Variants in DSCAM observed in about 807,000 individuals in gnomAD.
DSCAM encodes the protein DS cell adhesion molecule.
Under a neutral mutation model 217.7 loss-of-function variants are expected in DSCAM, and 47 were observed. The observed-to-expected ratio is 0.22, with a 90% CI of 0.17 to 0.28. The LOEUF (loss-of-function observed/expected upper bound fraction) is 0.28, where lower values mean the gene tolerates loss of function less well. Ranked by LOEUF, DSCAM falls within the 10% of genes least tolerant of loss-of-function variation. The probability of loss-of-function intolerance (pLI) is 1.00; values close to 1 mark genes in which losing one functional copy is unlikely to be tolerated. For missense variants in DSCAM, 2,080 were observed against 2,618.3 expected (o/e 0.79, Z 4.49); for synonymous variants, 1,056 against 1,015.3 (o/e 1.04, Z -0.76).
chr21:40,696,988 C>T (rs553398156), intron 2 of DSCAM, among the ~76,000 whole-genome samples: 1 of 152,290 alleles, frequency 6.6e-6, no homozygotes, highest in East Asian at 1.9e-4. Context: ...ACTGTGCCAG[C>T]AAATGTTAGA....
chr21:40,445,223 G>C (rs2075664799), intron 3 of DSCAM, among the ~76,000 whole-genome samples: 1 of 152,104 alleles, frequency 6.6e-6, no homozygotes, highest in East Asian at 1.9e-4. Flanking sequence ...TTATCACATT[G>C]GGTATTAGGT....
intron 32 of DSCAM, among the ~76,000 whole-genome samples, chr21:40,029,349 T>G (rs781618859): frequency 4.1e-4 from 61 of 149,736 alleles, no homozygotes; most frequent in Non-Finnish European, 6.7e-4. Context: ...CCTTTGGATC[T>G]CTGTGCTCAT....
chr21:40,846,158 C>A (rs2092143464), intron 1 of DSCAM, among the ~76,000 whole-genome samples: 1 of 152,124 alleles, frequency 6.6e-6, no homozygotes, highest in African/African-American at 2.4e-5. Context: ...ATTGTACTAG[C>A]ATGAAATTAC....
intron 3 of DSCAM, among the ~76,000 whole-genome samples, chr21:40,572,086 GTGTGT>G (rs2076811529): frequency 2.2e-4 from 1 of 4,506 alleles, no homozygotes; most frequent in Non-Finnish European, 5.1e-4. Context: ...GTGTGTGTGG[GTGTGT>G]GTGTGTGTGT....
At chr21:40,064,718 T>C (rs2837411) in intron 27 of DSCAM, among the ~76,000 whole-genome samples, 70,071 of 152,108 alleles carry the variant, frequency 0.46, 16,422 homozygotes, top group Middle Eastern at 0.59. Context: ...ATCGGAATTA[T>C]GAGCCCATTT....
chr21:40,162,864 C>T (rs1601398908), intron 16 of DSCAM, among the ~76,000 whole-genome samples: 1 of 152,040 alleles, frequency 6.6e-6, no homozygotes, highest in South Asian at 2.1e-4. Context: ...AATATTTAAG[C>T]AATTGACCAT....
intron 16 of DSCAM, among the ~76,000 whole-genome samples, chr21:40,163,835 A>G (rs1424149296): frequency 6.6e-6 from 1 of 152,196 alleles, no homozygotes; most frequent in Non-Finnish European, 1.5e-5. Context: ...TCACTGTATC[A>G]TGAGTTAGAC....
rs1238918436 is a variant in DSCAM at position 40,637,512 on chromosome 21, T to A, written c.508+55298A>T. On this transcript the variant is annotated intron_variant, in intron 3 of 32. Transcript: ENST00000400454. The stretch of plus-strand genomic sequence containing the variant: ...AAAAATATATAAATATATATAAATA[T>A]ATAAATATATATAAATATATACATA... Among the ~76,000 whole-genome samples, 5 of 46,614 alleles carry A rather than the reference T, an allele frequency of 1.1e-4. 1 individual carries two copies. The highest frequency in any genetic ancestry group is 1.9e-4 in the Non-Finnish European group (5 of 26,274). 30.6% of individuals were successfully genotyped at this position (46,614 alleles called of 152,430 possible).
intron 3 of DSCAM, among the ~76,000 whole-genome samples, chr21:40,461,591 C>G (rs1174627945): frequency 6.6e-6 from 1 of 152,212 alleles, no homozygotes; most frequent in African/African-American, 2.4e-5. Context: ...CCAATCCCCC[C>G]ACAAATACGT....
intron 32 of DSCAM, among the ~76,000 whole-genome samples, chr21:40,041,479 C>T (rs1351933585): frequency 6.9e-6 from 1 of 143,892 alleles, no homozygotes; most frequent in Non-Finnish European, 1.5e-5. Context: ...TCTTAAAACA[C>T]AAGTCCATAC....
At chr21:40,225,662 T>C (rs1403773187) in intron 11 of DSCAM, among the ~76,000 whole-genome samples, 4 of 152,122 alleles carry the variant, frequency 2.6e-5, no homozygotes, top group Non-Finnish European at 5.9e-5. Context: ...TAAACGTCTC[T>C]ATATTCCCGG....
chr21:40,348,204 G>T (rs62223795), intron 5 of DSCAM, among the ~76,000 whole-genome samples: 2 of 16,584 alleles, frequency 1.2e-4, no homozygotes, highest in Non-Finnish European at 1.3e-4. Context: ...TATTGCAATC[G>T]TACCCCACAC....
chr21:40,070,518 A>G (rs889161633), intron 27 of DSCAM, among the ~76,000 whole-genome samples: 8 of 152,238 alleles, frequency 5.3e-5, no homozygotes, highest in Admixed American at 1.3e-4. Context: ...TCTTAGCCAC[A>G]CTTGGTAACG....
At chr21:40,278,766 G>C (rs1255474182) in intron 10 of DSCAM, among the ~76,000 whole-genome samples, 2 of 151,908 alleles carry the variant, frequency 1.3e-5, no homozygotes, top group Non-Finnish European at 2.9e-5. Flanking sequence ...GGAGGAGGAG[G>C]AGTCTTCAAA....
At chr21:40,405,660 C>G (rs776182009) in intron 3 of DSCAM, among the ~76,000 whole-genome samples, 1 of 152,010 alleles carries the variant, frequency 6.6e-6, no homozygotes, top group African/African-American at 2.4e-5. Flanking sequence ...AGCAAATAAT[C>G]TAATTAAAAA....
At chr21:40,307,102 G>A (rs2074086046) in intron 9 of DSCAM, among the ~76,000 whole-genome samples, 1 of 152,010 alleles carries the variant, frequency 6.6e-6, no homozygotes, top group Non-Finnish European at 1.5e-5. Context: ...TTAAACTAAA[G>A]AGCTTCTGCA....
chr21:40,433,125 G>A (rs917305681), intron 3 of DSCAM, among the ~76,000 whole-genome samples: 4 of 152,074 alleles, frequency 2.6e-5, no homozygotes, highest in Non-Finnish European at 5.9e-5. Context: ...TTGAGAGGCT[G>A]AGGTGGGTGA....
At chr21:40,075,611 G>A (rs1171873661) in intron 26 of DSCAM, among the ~76,000 whole-genome samples, 1 of 152,170 alleles carries the variant, frequency 6.6e-6, no homozygotes, top group Admixed American at 6.5e-5. Context: ...TGAACAAAAG[G>A]TTGGGCAAAT....
intron 3 of DSCAM, among the ~76,000 whole-genome samples, chr21:40,489,468 T>G (rs74349957): frequency 0.023 from 3,552 of 152,228 alleles, 78 homozygotes; most frequent in South Asian, 0.037. Flanking sequence ...TTCCTTAAAA[T>G]AAATATCTTC....
Sources: gnomAD v4.1 joint callset for allele counts (sites outside exome capture counted in the v4.1 genomes callset) on GRCh38, gnomAD v4.1.1 for gene constraint, MANE v1.5 for transcripts, NCBI Gene and HGNC (gene_info 2026-07-23, HGNC 2026-07-21) for gene names.